ACAN: variants seen among roughly 807,000 people sequenced by gnomAD.
The protein encoded by ACAN is aggrecan.
A neutral mutation model predicts 169.1 loss-of-function variants in ACAN; 47 were observed. The ratio of observed to expected loss-of-function variants is 0.28; its 90% CI spans 0.22 to 0.35. The LOEUF (loss-of-function observed/expected upper bound fraction) is 0.35. Among genes scored for constraint, ACAN ranks in the 10% least tolerant of loss-of-function variants. The probability of loss-of-function intolerance (pLI) is 1.00; values close to 1 mark genes in which losing one functional copy is unlikely to be tolerated. For missense variants in ACAN, 2,716 were observed against 2,759.9 expected (o/e 0.98, Z 0.36); for synonymous variants, 1,115 against 1,112.2 (o/e 1.00, Z -0.05).
chr15:88,870,613 C>G lies in ACAN; in HGVS notation c.7061-769C>G, dbSNP rs927839872. 1.3e-5 allele frequency among the ~76,000 whole-genome samples: 2 copies of G among 152,168 alleles called. No homozygotes were observed. Among genetic ancestry groups the G allele is most frequent in the African/African-American group, 4.8e-5 (2 of 41,440 alleles). On this transcript the variant is annotated intron_variant, in intron 14 of 18. Coordinates refer to ENST00000560601, the MANE Select transcript of ACAN (RefSeq NM_001369268.1). This position sits in a 1 kb window ranked among gnomAD's most constrained non-coding sequence, Gnocchi z 6.3. ...GCCAGCTCAGCATGGCTCCGCCTGTCCCCTAGGCTGTCCAAGAACTCCAAG... is the reference window on the plus strand; with the variant it reads ...GCCAGCTCAGCATGGCTCCGCCTGTGCCCTAGGCTGTCCAAGAACTCCAAG...
intron 13 of ACAN, among the ~76,000 whole-genome samples, chr15:88,860,833 C>T (rs1897179977): frequency 6.6e-6 from 1 of 152,096 alleles, no homozygotes; most frequent in Non-Finnish European, 1.5e-5. Flanking sequence ...CATCTTGTAT[C>T]GTGCAGAGTG....
At chr15:88,825,704 C>T (rs546523529) in intron 1 of ACAN, among the ~76,000 whole-genome samples, 4 of 152,306 alleles carry the variant, frequency 2.6e-5, no homozygotes, top group East Asian at 1.9e-4. Context: ...AAGGGAATCA[C>T]GACAGAGAGG....
rs546089499 is a variant in ACAN, at chr15:88,855,370, C to A, written c.2785C>A (p.Pro929Thr). ...PSGDEERIEW[P>T]STPTVGELPS... ...AGGGGATGAAGAGAGAATTGAGTGG[C>A]CCAGCACTCCTACGGTTGGTGAACT... Residue 929 changes from proline to threonine, a missense_variant, in exon 12 of 19, where the codon CCC becomes ACC. Transcript: ENST00000560601. 11 of 1,612,830 alleles carry A rather than the reference C, an allele frequency of 6.8e-6. No homozygotes were observed. The highest frequency in any genetic ancestry group is 9.3e-6 in the Non-Finnish European group (11 of 1,179,228).
chr15:88,843,718 C>T lies in ACAN; in HGVS notation c.1051+70C>T. 6.7e-7 allele frequency: 1 copy of T among 1,493,260 alleles called. No individual in the cohort carries two copies. The highest frequency in any genetic ancestry group is 8.9e-7 in the Non-Finnish European group (1 of 1,119,770). The allele number at this position is 1,493,260 out of a possible 1,614,324, so 92.5% of individuals were successfully genotyped here. ...TGGGGTCCTAGAGGGAAGAGGGGAT[C>T]TTGGAAAGGGAGGGTTGGTTTTTGC... On this transcript the variant is annotated intron_variant, in intron 6 of 18. Coordinates refer to ENST00000560601, the MANE Select transcript of ACAN (RefSeq NM_001369268.1). The surrounding 1 kb of genome is among the most constrained non-coding windows in gnomAD (Gnocchi z 4.0).
At chr15:88,825,662 G>A (rs1457862351) in intron 1 of ACAN, among the ~76,000 whole-genome samples, 1 of 152,200 alleles carries the variant, frequency 6.6e-6, no homozygotes, top group African/African-American at 2.4e-5. Flanking sequence ...AGTCAAAGAG[G>A]TATTACTAGC....
intron 1 of ACAN, among the ~76,000 whole-genome samples, chr15:88,833,727 A>G (rs1195419964): frequency 1.4e-5 from 1 of 70,290 alleles, no homozygotes; most frequent in Non-Finnish European, 2.5e-5. Flanking sequence ...CTATCCCCCT[A>G]CCCCCACTCT....
rs758553258 is a variant in ACAN, at chr15:88,849,440, G to A, written c.1735G>A (p.Glu579Lys). 3.2e-6 allele frequency: 5 copies of A among 1,584,312 alleles called. No homozygotes were observed. Among genetic ancestry groups the A allele is most frequent in the South Asian group, 2.3e-5 (2 of 87,418 alleles). Reference protein sequence around the residue: ...VYCFVDRLEGEVFFATRLEQF... With the variant: ...VYCFVDRLEGKVFFATRLEQF... The stretch of plus-strand genomic sequence containing the variant: ...CTACCCCTTGCCTCTGCCCCCAGGG[G>A]AGGTGTTCTTCGCCACACGCCTTGA... Residue 579 changes from glutamate to lysine, a missense_variant and splice_region_variant, in exon 10 of 19, where the codon GAG (glutamate) becomes AAG (lysine). Around this residue, in one of 3 missense-constraint regions of ACAN, gnomAD observed 1,283 missense variants for 1,281.5 expected, o/e 1.00. Transcript: ENST00000560601. This position sits in a 1 kb window ranked among gnomAD's most constrained non-coding sequence, Gnocchi z 5.1.
intron 1 of ACAN, among the ~76,000 whole-genome samples, chr15:88,822,342 G>A (rs1896097792): frequency 6.6e-6 from 1 of 152,218 alleles, no homozygotes; most frequent in African/African-American, 2.4e-5. Flanking sequence ...TGCACAGAAG[G>A]ACTGCTCTGT....
At chr15:88,864,512 G>A (rs1012403098) in intron 13 of ACAN, among the ~76,000 whole-genome samples, 1 of 152,072 alleles carries the variant, frequency 6.6e-6, no homozygotes, top group Non-Finnish European at 1.5e-5. Context: ...TGATCCACCC[G>A]CCTTGGCCTC....
chr15:88,852,114 G>GC (rs1896946397), intron 11 of ACAN, 81 bp downstream of exon 11: 1 of 1,501,352 alleles, frequency 6.7e-7, no homozygotes, highest in Non-Finnish European at 8.9e-7. Context: ...GGGGCGGGGG[G>GC]GTTCCCTCCC....
intron 2 of ACAN, among the ~76,000 whole-genome samples, chr15:88,836,695 C>T (rs1896512283): frequency 6.6e-6 from 1 of 152,222 alleles, no homozygotes; most frequent in African/African-American, 2.4e-5. Flanking sequence ...GGGAGACAGC[C>T]AGAGAAAAGC....
chr15:88,822,085 T>C (rs1354306118), intron 1 of ACAN, among the ~76,000 whole-genome samples: 2 of 152,312 alleles, frequency 1.3e-5, no homozygotes, highest in East Asian at 3.9e-4. Context: ...ATTCAGGGGT[T>C]ATACTGCGGT....
At chr15:88,860,246 C>A (rs551031530) in intron 12 of ACAN, 80 bp from the exon 13 acceptor site, 71 of 1,012,854 alleles carry the variant, frequency 7.0e-5, no homozygotes, top group Non-Finnish European at 9.8e-5. Context: ...GAACCTCATG[C>A]CCCAACTTTG....
At chr15:88,811,097 G>A (rs564690873) in intron 1 of ACAN, among the ~76,000 whole-genome samples, 5 of 152,260 alleles carry the variant, frequency 3.3e-5, no homozygotes, top group Admixed American at 2.6e-4. Context: ...AAGGTGGTTT[G>A]TATAGAACAC....
Position 88,855,046 on chromosome 15 carries a change from GAGGAGCCATTCCCCTCCA to G in ACAN, c.2471_2488del (p.Phe824_Pro829del), listed in dbSNP as rs748139762. 6.3e-7 allele frequency: 1 copy of G among 1,593,608 alleles called. No individual in the cohort carries two copies. Among genetic ancestry groups the G allele is most frequent in the Non-Finnish European group, 8.5e-7 (1 of 1,171,150 alleles). On this transcript the variant is annotated inframe_deletion, in exon 12 of 19. Transcript: ENST00000560601. ...CCCCTCAGTGGAGCTGTTCCCCTCA[GAGGAGCCATTCCCCTCCA>G]AGGAGCCATCCCCCTCAGAGGAACC... is the stretch of plus-strand genomic sequence containing the variant.
rs377391149 is a variant in ACAN, at chr15:88,849,652, C to T, written c.1947C>T (p.Gly649=). ...CTGCCTGCGGTGGGGACAAGCCAGG[C>T]GTGAGAACGGTCTACCTCTACCCTA... ...PRPACGGDKP[G]VRTVYLYPNQ... is the part of the protein sequence containing the mutation. Residue 649 remains glycine (G), a synonymous_variant, in exon 10 of 19, where the codon GGC becomes GGT. Coordinates refer to ENST00000560601, the MANE Select transcript of ACAN (RefSeq NM_001369268.1). The surrounding 1 kb of genome is among the most constrained non-coding windows in gnomAD (Gnocchi z 5.1). 1.8e-5 allele frequency: 29 copies of T among 1,613,502 alleles called. No individual in the cohort carries two copies. The highest frequency in any genetic ancestry group is 1.2e-4 in the African/African-American group (9 of 74,914).
At chr15:88,832,015 C>G (rs941448211) in intron 1 of ACAN, among the ~76,000 whole-genome samples, 2 of 152,158 alleles carry the variant, frequency 1.3e-5, no homozygotes, top group Admixed American at 6.5e-5. Context: ...TGTGGCTGAG[C>G]CATTTTGACT....
Position 88,858,910 on chromosome 15 carries a change from G to T in ACAN, c.6325G>T (p.Ala2109Ser), listed in dbSNP as rs753031097. 6.2e-7 allele frequency: 1 copy of T among 1,609,044 alleles called. No individual in the cohort carries two copies. Among genetic ancestry groups the T allele is most frequent in the South Asian group, 1.1e-5 (1 of 90,856 alleles). The change falls in exon 12 of 19, where the codon GCT (alanine) becomes TCT (serine). Residue 2109 changes from alanine to serine, a missense_variant. By Grantham distance (99) the Ala-to-Ser change is moderately conservative (BLOSUM62 1). Around this residue, in one of 3 missense-constraint regions of ACAN, gnomAD observed 1,389 missense variants for 1,363.7 expected, o/e 1.02. Transcript: ENST00000560601. The surrounding 1 kb of genome is among the most constrained non-coding windows in gnomAD (Gnocchi z 4.0). ...CAGTGAGACGTCCGCCTATCCTGAA[G>T]CTGGGTTCGGGGCATCTGCCGCCCC... ...SSSETSAYPE[A>S]GFGASAAPEA...
At chr15:88,862,992 G>A (rs1253825413) in intron 13 of ACAN, among the ~76,000 whole-genome samples, 1 of 133,604 alleles carries the variant, frequency 7.5e-6, no homozygotes, top group Non-Finnish European at 1.6e-5. Flanking sequence ...AGTGACACTC[G>A]GTCTCAAAAA....
Sources: allele counts gnomAD v4.1 joint callset (sites outside exome capture counted in the v4.1 genomes callset), GRCh38; gene constraint gnomAD v4.1.1; regional missense constraint gnomAD v4.1.1; non-coding constraint Gnocchi (gnomAD v3.1); transcripts MANE v1.5; gene names NCBI Gene and HGNC (gene_info 2026-07-23, HGNC 2026-07-21).